The following LILRB2 variants were observed in gnomAD, a reference collection of about 807,000 sequenced individuals.
LILRB2 encodes the protein leukocyte immunoglobulin-like receptor subfamily B member 2.
A neutral mutation model predicts 72.7 loss-of-function variants in LILRB2; 47 were observed. The ratio of observed to expected loss-of-function variants is 0.65; its 90% confidence interval spans 0.51 to 0.82. The LOEUF (loss-of-function observed/expected upper bound fraction) is 0.82. Ranked by LOEUF, LILRB2 falls within the 40% of genes least tolerant of loss-of-function variation. LILRB2 has a pLI of 0.00. For synonymous variants in LILRB2, 279 were observed against 313.7 expected (o/e 0.89, Z 1.17); for missense variants, 767 against 764.8 (o/e 1.00, Z -0.03).
rs570060486 is a variant in LILRB2 at position 54,274,542 on chromosome 19, A to G, written c.*141T>C. On this transcript the variant is annotated 3_prime_UTR_variant, in exon 14 of 14. Coordinates refer to ENST00000314446, the MANE Select transcript of LILRB2 (RefSeq NM_001080978.4). ...TCGACTGCAGAATCAAGTGAGTCCCAAAGTTCCCAGCATCTCCTCATGGTC... is the reference window on the plus strand; with the variant it reads ...TCGACTGCAGAATCAAGTGAGTCCCGAAGTTCCCAGCATCTCCTCATGGTC... 6.8e-7 allele frequency: 1 copy of G among 1,470,214 alleles called. No homozygotes were observed. The highest frequency in any genetic ancestry group is 9.1e-7 in the Non-Finnish European group (1 of 1,100,146). 91.1% of individuals were successfully genotyped at this position (1,470,214 alleles called of 1,614,324 possible).
chr19:54,278,545 G>A lies in LILRB2; in HGVS notation c.973C>T (p.Pro325Ser), dbSNP rs753037202. The A allele has an allele frequency of 1.2e-6, 2 of 1,614,202 alleles. No homozygotes were observed. The highest frequency in any genetic ancestry group is 8.5e-7 in the Non-Finnish European group (1 of 1,180,024). ...ILITGQIRGT[P>S]FISVQPGPTV... ...GGGCCTGGCTGCACTGAGATGAAGG[G>A]TGTGCCACGGATCTGTCCTGGAGAG... Residue 325 changes from proline (P) to serine (S), a missense_variant, in exon 7 of 14, where the codon CCC becomes TCC. Around this residue, in one of 3 missense-constraint regions of LILRB2, gnomAD observed 599 missense variants for 568.2 expected, o/e 1.05. Coordinates refer to ENST00000314446, the MANE Select transcript of LILRB2 (RefSeq NM_001080978.4).
Position 54,278,439 on chromosome 19 carries a change from C to G in LILRB2, c.1079G>C (p.Gly360Ala). ...TAGACGGAGTGGGGCATCAGCTGCTCCCGCCTTGGTCAGAAGGAAAGTGTG... is the reference window on the plus strand; with the variant it reads ...TAGACGGAGTGGGGCATCAGCTGCTGCCGCCTTGGTCAGAAGGAAAGTGTG... ...QFHTFLLTKA[G>A]AADAPLRLRS... Residue 360 changes from glycine to alanine, a missense_variant, in exon 7 of 14, where the codon GGA becomes GCA. Coordinates refer to ENST00000314446, the MANE Select transcript of LILRB2 (RefSeq NM_001080978.4). 6.2e-7 allele frequency: 1 copy of G among 1,614,202 alleles called. No individual in the cohort carries two copies. Among genetic ancestry groups the G allele is most frequent in the East Asian group, 2.2e-5 (1 of 44,878 alleles).
chr19:54,274,168 G>A lies in LILRB2; in HGVS notation c.*515C>T, dbSNP rs577773385. ...TTATGACTGTAATTAATATTTTCAAGAATGAGCTTCATTGGCTTTGTTGAA... is the reference window on the plus strand; with the variant it reads ...TTATGACTGTAATTAATATTTTCAAAAATGAGCTTCATTGGCTTTGTTGAA... On this transcript the variant is annotated 3_prime_UTR_variant, in exon 14 of 14. Transcript: ENST00000314446. The A allele has an allele frequency of 6.3e-6, 1 of 157,518 alleles. No homozygotes were observed. Among genetic ancestry groups the A allele is most frequent in the East Asian group, 1.9e-4 (1 of 5,274 alleles). The allele number at this position is 157,518 out of a possible 1,614,324, so 9.8% of individuals were successfully genotyped here.
chr19:54,280,811 C>G, intron 1 of LILRB2, 150 bp downstream of exon 1: 1 of 450,196 alleles, frequency 2.2e-6, no homozygotes, highest in Non-Finnish European at 3.9e-6. Flanking sequence ...CACCGAGAGC[C>G]GGGATGTAGC....
chr19:54,276,233 T>C (rs754264954), intron 12 of LILRB2, 31 bp downstream of exon 12: 2 of 1,613,758 alleles, frequency 1.2e-6, no homozygotes, highest in Non-Finnish European at 1.7e-6. Context: ...CCTATCTCCC[T>C]CCTGGCTGGT....
chr19:54,277,775 C>A, intron 8 of LILRB2, 114 bp downstream of exon 8: 1 of 1,324,348 alleles, frequency 7.6e-7, no homozygotes. Context: ...CTGCCCAGCT[C>A]CCTGGACAGA....
At chr19:54,277,513 G>C (rs1179036418) in intron 9 of LILRB2, 37 bp downstream of exon 9, 8 of 1,554,110 alleles carry the variant, frequency 5.1e-6, no homozygotes, top group Admixed American at 1.9e-5. Flanking sequence ...GCCTCCCCGG[G>C]ACCCCGCCCA....
chr19:54,274,921 T>G (rs1253671572), intron 13 of LILRB2, 92 bp from the exon 14 acceptor site: 1 of 1,610,642 alleles, frequency 6.2e-7, no homozygotes, highest in Non-Finnish European at 8.5e-7. Flanking sequence ...AGTGTCCATC[T>G]GTCTGTCCTC....
chr19:54,277,762 G>A (rs1294482017), intron 8 of LILRB2, 127 bp downstream of exon 8: 2 of 1,303,204 alleles, frequency 1.5e-6, no homozygotes, highest in African/African-American at 1.5e-5. Context: ...CCCTCCTCTG[G>A]CTCTGCCCAG....
chr19:54,278,705 C>A, intron 6 of LILRB2, 107 bp downstream of exon 6: 3 of 1,531,814 alleles, frequency 2.0e-6, no homozygotes, highest in Non-Finnish European at 2.6e-6. Flanking sequence ...CTGTCTCTCC[C>A]TCCCTTGGGA....
intron 7 of LILRB2, 149 bp from the exon 8 acceptor site, chr19:54,278,088 G>C (rs956307505): frequency 8.8e-7 from 1 of 1,130,154 alleles, no homozygotes; most frequent in Non-Finnish European, 1.2e-6. Context: ...ATGCCGCTGA[G>C]TGTGCGCAGG....
At chr19:54,277,520 C>T in intron 9 of LILRB2, 30 bp downstream of exon 9, 1 of 1,556,214 alleles carries the variant, frequency 6.4e-7, no homozygotes. Context: ...CGGGACCCCG[C>T]CCACCTCCCA....
At position 54,276,836 on chromosome 19, in the gene LILRB2, T is replaced by C; in HGVS notation, c.1451A>G (p.His484Arg). 6.2e-7 allele frequency: 1 copy of C among 1,613,764 alleles called. No homozygotes were observed. Among genetic ancestry groups the C allele is most frequent in the South Asian group, 1.1e-5 (1 of 91,050 alleles). The change falls in exon 10 of 14, where the codon CAT becomes CGT. Residue 484 changes from histidine to arginine, a missense_variant. His to Arg is a conservative substitution (Grantham distance 29). Around this residue, in one of 3 missense-constraint regions of LILRB2, gnomAD observed 162 missense variants for 176.7 expected, o/e 0.92. Coordinates refer to ENST00000314446, the MANE Select transcript of LILRB2 (RefSeq NM_001080978.4). ...LLLLLFLILR[H>R]RRQGKHWTST... ...TGTCCAGTGTTTGCCCTGACGTCGA[T>C]GTCGGAGGATGAGGAAGAGGAGGAG...
chr19:54,275,632 C>T (rs1264009876), intron 13 of LILRB2: 1 of 547,048 alleles, frequency 1.8e-6, no homozygotes, highest in African/African-American at 1.9e-5. Flanking sequence ...GGAACACTCA[C>T]TGGTTGAATG....
intron 8 of LILRB2, 102 bp from the exon 9 acceptor site, chr19:54,277,699 T>A: frequency 6.3e-6 from 9 of 1,427,098 alleles, no homozygotes; most frequent in Non-Finnish European, 8.6e-6. Flanking sequence ...TCTCTCTGCC[T>A]TGACCCCCCA....
intron 12 of LILRB2, 25 bp from the exon 13 acceptor site, chr19:54,276,028 G>A (rs761888974): frequency 1.1e-5 from 17 of 1,612,340 alleles, no homozygotes; most frequent in South Asian, 3.3e-5. Flanking sequence ...CAAGGGGTTC[G>A]TCTCTTGGGA....
At position 54,274,717 on chromosome 19, in the gene LILRB2, T is replaced by A. The variant is rs768939145; in HGVS notation, c.1760A>T (p.Glu587Val). 1.1e-5 allele frequency: 17 copies of A among 1,613,810 alleles called. No individual in the cohort carries two copies. The highest frequency in any genetic ancestry group is 1.3e-5 in the Non-Finnish European group (15 of 1,180,038). ...PPSQEREPPA[E>V]PSIYATLAIH The stretch of plus-strand genomic sequence containing the variant: ...GGCCAGGGTGGCGTAGATGCTGGGC[T>A]CAGCTGGAGGTTCCCTTTCCTGGGA... Residue 587 changes from glutamate (E) to valine (V), a missense_variant, in exon 14 of 14, where the codon GAG becomes GTG. By Grantham distance (121) the Glu-to-Val change is moderately radical (BLOSUM62 -2). This residue lies in a region of LILRB2 where 162 missense variants were observed against 176.7 expected (regional missense o/e 0.92). Coordinates refer to ENST00000314446, the MANE Select transcript of LILRB2 (RefSeq NM_001080978.4).
chr19:54,274,012 T>C lies in LILRB2; in HGVS notation c.*671A>G, dbSNP rs151229342. 3.7e-3 allele frequency: 558 copies of C among 152,820 alleles called. 14 individuals carry two copies. In the South Asian group the frequency reaches 0.074, roughly 20 times the overall value. 9.5% of individuals were successfully genotyped at this position (152,820 alleles called of 1,614,324 possible). On this transcript the variant is annotated 3_prime_UTR_variant, in exon 14 of 14. Transcript: ENST00000314446. ...TAATCTGCATTTTCTAGTATATTGG[T>C]ATAGGTTTGCAGCCTGTTCTGGGGT... is the stretch of plus-strand genomic sequence containing the variant.
rs1012189674 is a variant in LILRB2 at position 54,280,750 on chromosome 19, A to G, written c.-48-206T>C. ...CCCTCTGCAGACATTTCAGACTGTA[A>G]TGGGGTCTTTCCTGACCCCCAGCCA... is the stretch of plus-strand genomic sequence containing the variant. On this transcript the variant is annotated intron_variant, in intron 1 of 13. Transcript: ENST00000314446. 17 of 785,024 alleles carry G rather than the reference A, an allele frequency of 2.2e-5. No individual in the cohort carries two copies. In the African/African-American group the frequency reaches 2.6e-4, roughly 12 times the overall value. The allele number at this position is 785,024 out of a possible 1,614,324, so 48.6% of individuals were successfully genotyped here. A position where few individuals can be genotyped will look rare whatever the true frequency, so the allele number is the denominator to read the frequency against.
Sources: allele counts gnomAD v4.1 joint callset, GRCh38; gene constraint gnomAD v4.1.1; regional missense constraint gnomAD v4.1.1; transcripts MANE v1.5; gene names NCBI Gene and HGNC (gene_info 2026-07-23, HGNC 2026-07-21).